RPS6KA2: variants seen among roughly 807,000 people sequenced by gnomAD.
RPS6KA2 encodes ribosomal protein S6 kinase alpha-2.
A neutral mutation model predicts 91.8 loss-of-function variants in RPS6KA2; 42 were observed. That is an observed-to-expected ratio of 0.46 (90% CI 0.36 to 0.59). RPS6KA2 has a LOEUF of 0.59. Among genes scored for constraint, RPS6KA2 ranks in the 20% least tolerant of loss-of-function variants. RPS6KA2 has a pLI of 0.00. For synonymous variants in RPS6KA2, 414 were observed against 393.6 expected (o/e 1.05, Z -0.61); for missense variants, 798 against 978.5 (o/e 0.82, Z 2.46).
chr6:166,539,803 C>T (rs1562566436), intron 1 of RPS6KA2, among the ~76,000 whole-genome samples: 1 of 152,180 alleles, frequency 6.6e-6, no homozygotes, highest in African/African-American at 2.4e-5. Flanking sequence ...GGTGTTTCTC[C>T]CAACATGAGA....
At chr6:166,555,256 C>T (rs966750134) in intron 1 of RPS6KA2, among the ~76,000 whole-genome samples, 8 of 152,208 alleles carry the variant, frequency 5.3e-5, no homozygotes, top group African/African-American at 1.7e-4. Context: ...TTCATCAGGC[C>T]GCACTCTGGC....
At chr6:166,441,494 A>G (rs2235292) in intron 14 of RPS6KA2, among the ~76,000 whole-genome samples, 61,183 of 152,176 alleles carry the variant, frequency 0.4, 12,582 homozygotes, top group African/African-American at 0.48. Context: ...CTGTTCCCCA[A>G]GACGGGTGCA....
intron 10 of RPS6KA2, among the ~76,000 whole-genome samples, chr6:166,471,314 G>A (rs1780761116): frequency 6.6e-6 from 1 of 152,182 alleles, no homozygotes; most frequent in African/African-American, 2.4e-5. Context: ...AACTGCCCGT[G>A]TCCTGACCCC....
intron 2 of RPS6KA2, among the ~76,000 whole-genome samples, chr6:166,643,575 C>T (rs1379654750): frequency 6.6e-6 from 1 of 152,178 alleles, no homozygotes; most frequent in Non-Finnish European, 1.5e-5. Context: ...CAAAAAATGA[C>T]AAAACCAAAA....
chr6:166,489,844 A>G (rs1286182721), intron 9 of RPS6KA2, among the ~76,000 whole-genome samples: 1 of 151,966 alleles, frequency 6.6e-6, no homozygotes, highest in East Asian at 1.9e-4. Context: ...GTGATTCTCA[A>G]TTTTATAAAA....
intron 7 of RPS6KA2, 79 bp from the exon 8 acceptor site, chr6:166,498,729 C>A: frequency 6.4e-7 from 1 of 1,560,452 alleles, no homozygotes; most frequent in South Asian, 1.1e-5. Flanking sequence ...GCATCAGCGT[C>A]CTTCTGTGGG....
intron 2 of RPS6KA2, chr6:166,702,150 A>T: frequency 1.9e-6 from 3 of 1,584,720 alleles, no homozygotes; most frequent in Non-Finnish European, 1.7e-6. Context: ...TCGATTTTAG[A>T]CTGGGTCTGT....
rs1334648475 is a variant in RPS6KA2, at chr6:166,480,500, T to A, written c.907+8333A>T. ...GATTTTATATATATATATATATATA[T>A]ATATATATATATATAATATATTTTT... On this transcript the variant is annotated intron_variant, in intron 10 of 20. Coordinates refer to ENST00000265678, the MANE Select transcript of RPS6KA2 (RefSeq NM_021135.6). Among the ~76,000 whole-genome samples, 4 of 135,364 alleles carry A rather than the reference T, an allele frequency of 3.0e-5. 1 individual carries two copies. The Admixed American group carries it at 3.0e-4, about 10-fold the overall frequency. The allele number at this position is 135,364 out of a possible 152,430, so 88.8% of individuals were successfully genotyped here.
At chr6:166,559,736 T>A (rs1456467792) in intron 1 of RPS6KA2, among the ~76,000 whole-genome samples, 1 of 152,186 alleles carries the variant, frequency 6.6e-6, no homozygotes, top group African/African-American at 2.4e-5. Flanking sequence ...TATGTCTGTG[T>A]TATTAAAAAA....
At chr6:166,592,197 T>C (rs1306037715) in intron 1 of RPS6KA2, among the ~76,000 whole-genome samples, 2 of 152,156 alleles carry the variant, frequency 1.3e-5, no homozygotes, top group Non-Finnish European at 2.9e-5. Flanking sequence ...TTATAAATAG[T>C]AGCGAGGGTC....
At chr6:166,592,647 G>A (rs185505132) in intron 1 of RPS6KA2, among the ~76,000 whole-genome samples, 3 of 151,694 alleles carry the variant, frequency 2.0e-5, no homozygotes, top group East Asian at 2.0e-4. Flanking sequence ...AGAAAGGGAC[G>A]GGGGAGGGCA....
chr6:166,584,499 C>T (rs1309954738), intron 1 of RPS6KA2, among the ~76,000 whole-genome samples: 1 of 152,188 alleles, frequency 6.6e-6, no homozygotes, highest in East Asian at 1.9e-4. Flanking sequence ...CTCTAAATGT[C>T]AACATTTACA....
At chr6:166,675,112 C>T (rs1045227838) in intron 2 of RPS6KA2, among the ~76,000 whole-genome samples, 3 of 152,234 alleles carry the variant, frequency 2.0e-5, no homozygotes, top group Admixed American at 6.5e-5. Context: ...AGTGCCATGG[C>T]CAGGGCTTTC....
chr6:166,508,010 T>A lies in RPS6KA2; in HGVS notation c.459+193A>T, dbSNP rs1227760399. Among the ~76,000 whole-genome samples the A allele has an allele frequency of 7.8e-6, 1 of 127,516 alleles. No individual in the cohort carries two copies. Among genetic ancestry groups the A allele is most frequent in the Non-Finnish European group, 1.6e-5 (1 of 62,182 alleles). The allele number at this position is 127,516 out of a possible 152,430, so 83.7% of individuals were successfully genotyped here. ...ACCCCCCACCACACATCATGCACACTTGCACACACTCACACATGTACACCT... is the reference window on the plus strand; with the variant it reads ...ACCCCCCACCACACATCATGCACACATGCACACACTCACACATGTACACCT... On this transcript the variant is annotated intron_variant, in intron 5 of 20. Transcript: ENST00000265678. The surrounding 1 kb of genome is among the most constrained non-coding windows in gnomAD (Gnocchi z 4.3).
intron 2 of RPS6KA2, among the ~76,000 whole-genome samples, chr6:166,763,467 C>T (rs571409989): frequency 2.6e-5 from 4 of 152,232 alleles, no homozygotes; most frequent in East Asian, 3.9e-4. Context: ...TGGGAGAGAG[C>T]GGCAATGAGA....
intron 2 of RPS6KA2, among the ~76,000 whole-genome samples, chr6:166,695,581 C>T (rs529675983): frequency 1.3e-5 from 2 of 152,326 alleles, no homozygotes; most frequent in South Asian, 2.1e-4. Flanking sequence ...GGAACCAGGC[C>T]GCACAGCAGG....
chr6:166,812,999 C>T (rs1290608710), intron 2 of RPS6KA2, among the ~76,000 whole-genome samples: 1 of 152,142 alleles, frequency 6.6e-6, no homozygotes. Flanking sequence ...CCAGATAACT[C>T]AATTAACCCA....
intron 1 of RPS6KA2, chr6:166,858,379 A>G: frequency 1.5e-6 from 1 of 658,646 alleles, no homozygotes. Flanking sequence ...TCTGTAGGAC[A>G]TGGAAACCAT....
intron 2 of RPS6KA2, among the ~76,000 whole-genome samples, chr6:166,673,615 A>T (rs541623727): frequency 6.6e-6 from 1 of 152,226 alleles, no homozygotes; most frequent in African/African-American, 2.4e-5. Context: ...AAAAGTTTGC[A>T]AACTCTAAAC....
Sources: gnomAD v4.1 joint callset for allele counts (sites outside exome capture counted in the v4.1 genomes callset) on GRCh38, gnomAD v4.1.1 for gene constraint, Gnocchi (gnomAD v3.1) non-coding constraint, MANE v1.5 for transcripts, NCBI Gene and HGNC (gene_info 2026-07-23, HGNC 2026-07-21) for gene names.